NXT1: variants seen among roughly 807,000 people sequenced by gnomAD.
The protein encoded by NXT1 is NTF2-related export protein 1.
A neutral mutation model predicts 9.9 loss-of-function variants in NXT1; 3 were observed. The ratio of observed to expected loss-of-function variants is 0.30; its 90% CI spans 0.14 to 0.79. NXT1 has a LOEUF of 0.79. Among genes scored for constraint, NXT1 ranks in the 30% least tolerant of loss-of-function variants. The pLI is 0.63. For missense variants in NXT1, 91 were observed against 178.2 expected (o/e 0.51, Z 2.79); for synonymous variants, 53 against 66.5 (o/e 0.80, Z 0.99).
chr20:23,351,434 AGTCCTCACG>A (rs566785565), intron 1 of NXT1: 2 of 152,392 alleles, frequency 1.3e-5, no homozygotes, highest in East Asian at 3.9e-4. Context: ...CTCTTACTCT[AGTCCTCACG>A]GTCAGGTTCT....
rs541269644 is a variant in NXT1 at position 23,354,138 on chromosome 20, C to T, written c.97C>T (p.Arg33Cys). 2.7e-5 allele frequency: 43 copies of T among 1,614,148 alleles called. No homozygotes were observed. In the Admixed American group the frequency reaches 4.3e-4, roughly 16 times the overall value. The part of the protein sequence containing the change: ...VYYTTMDKRR[R>C]LLSRLYMGTA... ...CTACACCACCATGGATAAGCGGCGG[C>T]GTTTGCTGTCCCGCCTGTACATGGG... The change falls in exon 2 of 2, where the codon CGT becomes TGT. Residue 33 changes from arginine (R) to cysteine (C), a missense_variant. Transcript: ENST00000254998.
In NXT1 at chr20:23,354,010, C is replaced by G. The variant is rs770035471; in HGVS notation, c.-32C>G. On this transcript the variant is annotated 5_prime_UTR_variant, in exon 2 of 2. Transcript: ENST00000254998. ...TGGTTCCCCAAGGCAGAGGAAATAC[C>G]CTGGTGGAGCCCTCCTTCCATAGAA... 4.4e-6 allele frequency: 7 copies of G among 1,595,776 alleles called. No individual in the cohort carries two copies. The highest frequency in any genetic ancestry group is 1.1e-5 in the South Asian group (1 of 89,034).
chr20:23,354,607 T>A lies in NXT1; in HGVS notation c.*143T>A. 1.1e-6 allele frequency: 1 copy of A among 909,858 alleles called. No individual in the cohort carries two copies. The highest frequency in any genetic ancestry group is 1.6e-6 in the Non-Finnish European group (1 of 609,614). The allele number at this position is 909,858 out of a possible 1,614,324, so 56.4% of individuals were successfully genotyped here. On this transcript the variant is annotated 3_prime_UTR_variant, in exon 2 of 2. Coordinates refer to ENST00000254998, the MANE Select transcript of NXT1 (RefSeq NM_013248.3). ...AGACTCCACTGTGCCGAGGTTGAAC[T>A]CTTTTTTGTTGCTCAAGTTCTAGGA...
chr20:23,351,967 G>A (rs6083082), intron 1 of NXT1, among the ~76,000 whole-genome samples: 13,567 of 152,170 alleles, frequency 0.089, 1,491 homozygotes, highest in African/African-American at 0.25. Context: ...GCGCTTCTTA[G>A]TCGTGGGTTC....
chr20:23,352,698 TA>T (rs1237651700), intron 1 of NXT1, among the ~76,000 whole-genome samples: 2 of 152,350 alleles, frequency 1.3e-5, no homozygotes, highest in East Asian at 3.9e-4. Context: ...GTCAATTTTT[TA>T]AATGCTTTTG....
chr20:23,352,334 T>C (rs552789078), intron 1 of NXT1, among the ~76,000 whole-genome samples: 1 of 152,286 alleles, frequency 6.6e-6, no homozygotes, highest in East Asian at 1.9e-4. Context: ...CTATGAGGTC[T>C]GTGGAGGGCG....
At chr20:23,352,540 TGA>T (rs1491380615) in intron 1 of NXT1, among the ~76,000 whole-genome samples, 2 of 146,420 alleles carry the variant, frequency 1.4e-5, no homozygotes, top group African/African-American at 2.8e-5. Flanking sequence ...TTTTTTGAAA[TGA>T]AAAAAAACTG....
chr20:23,352,171 G>C (rs1463187139), intron 1 of NXT1, among the ~76,000 whole-genome samples: 1 of 152,178 alleles, frequency 6.6e-6, no homozygotes, highest in East Asian at 1.9e-4. Flanking sequence ...AGGTATATAG[G>C]AGGATGCTGC....
At chr20:23,353,535 G>A (rs113833966) in intron 1 of NXT1, among the ~76,000 whole-genome samples, 2,444 of 152,268 alleles carry the variant, frequency 0.016, 43 homozygotes, top group Non-Finnish European at 0.021. Context: ...CAAGAAAATC[G>A]CTTGAAGCTG....
chr20:23,354,526 C>T lies in NXT1; in HGVS notation c.*62C>T, dbSNP rs1980355067. ...TAGCTCTGTAGAGAAATGCAAACCT[C>T]GACTCTCAAGGATGTGAGGAACACA... On this transcript the variant is annotated 3_prime_UTR_variant, in exon 2 of 2. Coordinates refer to ENST00000254998, the MANE Select transcript of NXT1 (RefSeq NM_013248.3). 5 of 1,525,682 alleles carry T rather than the reference C, an allele frequency of 3.3e-6. No individual in the cohort carries two copies. Among genetic ancestry groups the T allele is most frequent in the South Asian group, 1.3e-5 (1 of 78,650 alleles). The allele number at this position is 1,525,682 out of a possible 1,614,324, so 94.5% of individuals were successfully genotyped here. A position where few individuals can be genotyped will look rare whatever the true frequency, so the allele number is the denominator to read the frequency against.
rs1408724974 is a variant in NXT1 at position 23,354,743 on chromosome 20, ATAATT to A, written c.*284_*288del. The A allele has an allele frequency of 4.6e-6, 2 of 435,706 alleles. No individual in the cohort carries two copies. The highest frequency in any genetic ancestry group is 8.9e-5 in the East Asian group (2 of 22,500). The allele number at this position is 435,706 out of a possible 1,614,324, so 27.0% of individuals were successfully genotyped here. ...ACTCTGATTCTGGAAATTCTGACAA[ATAATT>A]TAATAATACACATGTTGCTTCTTTC... On this transcript the variant is annotated 3_prime_UTR_variant, in exon 2 of 2. Coordinates refer to ENST00000254998, the MANE Select transcript of NXT1 (RefSeq NM_013248.3).
intron 1 of NXT1, among the ~76,000 whole-genome samples, chr20:23,352,860 C>T (rs1052985298): frequency 6.6e-6 from 1 of 152,170 alleles, no homozygotes; most frequent in Non-Finnish European, 1.5e-5. Flanking sequence ...CCTGTGTAAG[C>T]TGGGTGTCCT....
chr20:23,352,207 C>G (rs983652723), intron 1 of NXT1, among the ~76,000 whole-genome samples: 4 of 152,156 alleles, frequency 2.6e-5, no homozygotes, highest in African/African-American at 9.7e-5. Context: ...AACAGTACAC[C>G]ATTTTATCAG....
chr20:23,351,406 G>A (rs1026738536), intron 1 of NXT1: 2 of 152,286 alleles, frequency 1.3e-5, no homozygotes, highest in African/African-American at 4.8e-5. Flanking sequence ...CGTGCGAGGA[G>A]GCGGCAGTCT....
chr20:23,354,644 G>C lies in NXT1; in HGVS notation c.*180G>C. On this transcript the variant is annotated 3_prime_UTR_variant, in exon 2 of 2. Transcript: ENST00000254998. The stretch of plus-strand genomic sequence containing the variant: ...CTCAAGTTCTAGGAGTCCCTTTCCT[G>C]AATATATACTTGTTTGTCATAGTTT... 1.5e-6 allele frequency: 1 copy of C among 647,308 alleles called. No individual in the cohort carries two copies. The highest frequency in any genetic ancestry group is 2.2e-5 in the South Asian group (1 of 45,600). The allele number at this position is 647,308 out of a possible 1,614,324, so 40.1% of individuals were successfully genotyped here.
chr20:23,353,717 TG>T (rs1426154100), intron 1 of NXT1, among the ~76,000 whole-genome samples: 2 of 152,250 alleles, frequency 1.3e-5, no homozygotes, highest in East Asian at 3.8e-4. Flanking sequence ...TATGGAGTGC[TG>T]ACTATAACTA....
At chr20:23,352,156 G>A (rs1022675341) in intron 1 of NXT1, among the ~76,000 whole-genome samples, 5 of 152,124 alleles carry the variant, frequency 3.3e-5, no homozygotes, top group African/African-American at 1.2e-4. Context: ...ACCTACAGAT[G>A]ATGAAGGTAT....
chr20:23,354,152 C>A lies in NXT1; in HGVS notation c.111C>A (p.Arg37=), dbSNP rs993112383. 6.2e-7 allele frequency: 1 copy of A among 1,614,080 alleles called. No homozygotes were observed. The highest frequency in any genetic ancestry group is 8.5e-7 in the Non-Finnish European group (1 of 1,180,058). ...TMDKRRRLLS[R]LYMGTATLVW... Reference sequence around the variant, plus strand: ...ATAAGCGGCGGCGTTTGCTGTCCCGCCTGTACATGGGCACAGCCACCCTGG... The same window carrying A: ...ATAAGCGGCGGCGTTTGCTGTCCCGACTGTACATGGGCACAGCCACCCTGG... The change falls in exon 2 of 2, where the codon CGC becomes CGA. Residue 37 remains arginine (R), a synonymous_variant. Coordinates refer to ENST00000254998, the MANE Select transcript of NXT1 (RefSeq NM_013248.3).
At position 23,353,964 on chromosome 20, in the gene NXT1, A is replaced by G. The variant is rs576656254; in HGVS notation, c.-61-17A>G. 2.6e-5 allele frequency: 38 copies of G among 1,454,662 alleles called. No homozygotes were observed. The highest frequency in any genetic ancestry group is 2.5e-4 in the African/African-American group (18 of 71,042). 90.1% of individuals were successfully genotyped at this position (1,454,662 alleles called of 1,614,324 possible). On this transcript the variant is annotated splice_polypyrimidine_tract_variant and intron_variant, in intron 1 of 1. Coordinates refer to ENST00000254998, the MANE Select transcript of NXT1 (RefSeq NM_013248.3). The stretch of plus-strand genomic sequence containing the variant: ...TTGGCATTCACGTGGCTTCTCTTCA[A>G]CCTTACTTCCCTGCAGCCCCTGGTT...
Sources: allele counts gnomAD v4.1 joint callset (sites outside exome capture counted in the v4.1 genomes callset), GRCh38; gene constraint gnomAD v4.1.1; transcripts MANE v1.5; gene names NCBI Gene and HGNC (gene_info 2026-07-23, HGNC 2026-07-21).